The following RGS7 variants were observed in gnomAD, a reference collection of about 807,000 sequenced individuals.
The protein encoded by RGS7 is regulator of G-protein signaling 7.
RGS7 carries 27 observed loss-of-function variants against 81.1 expected under a neutral mutation model. The ratio of observed to expected loss-of-function variants is 0.33; its 90% CI spans 0.25 to 0.46. The LOEUF (loss-of-function observed/expected upper bound fraction) is 0.46, where lower values mean the gene tolerates loss of function less well. Among genes scored for constraint, RGS7 ranks in the 20% least tolerant of loss-of-function variants. RGS7 has a pLI of 1.00. For missense variants in RGS7, 396 were observed against 607.4 expected, an observed-to-expected ratio of 0.65 and a Z score of 3.66; for synonymous variants, 208 against 207.7, an observed-to-expected ratio of 1.00 and a Z score of -0.01.
At chr1:241,055,353 A>T (rs1398065117) in intron 3 of RGS7, among the ~76,000 whole-genome samples, 2 of 152,198 alleles carry the variant, frequency 1.3e-5, no homozygotes, top group Non-Finnish European at 2.9e-5. Flanking sequence ...TTCCTACAAC[A>T]TTCTTCTTAG....
chr1:241,014,413 C>A (rs1341617229), intron 3 of RGS7, among the ~76,000 whole-genome samples: 3 of 152,200 alleles, frequency 2.0e-5, no homozygotes, highest in Non-Finnish European at 4.4e-5. Flanking sequence ...TGCAATGTTA[C>A]TTAAAGGCCA....
intron 3 of RGS7, among the ~76,000 whole-genome samples, chr1:241,068,788 A>G (rs1379622299): frequency 1.3e-5 from 2 of 152,154 alleles, no homozygotes; most frequent in Non-Finnish European, 2.9e-5. Context: ...TCCCTGCCCA[A>G]ATCTCATGAT....
chr1:241,335,229 C>T (rs907261106), intron 2 of RGS7, among the ~76,000 whole-genome samples: 1 of 152,126 alleles, frequency 6.6e-6, no homozygotes, highest in Non-Finnish European at 1.5e-5. Flanking sequence ...CACTATACCC[C>T]TTTCACACAC....
chr1:241,096,642 G>A (rs781385049), intron 3 of RGS7, among the ~76,000 whole-genome samples: 9 of 152,106 alleles, frequency 5.9e-5, no homozygotes, highest in Non-Finnish European at 1.3e-4. Flanking sequence ...CAATCTATAT[G>A]TCCAATCTTA....
At chr1:240,884,503 T>C (rs1323246664) in intron 6 of RGS7, among the ~76,000 whole-genome samples, 2 of 152,182 alleles carry the variant, frequency 1.3e-5, no homozygotes, top group African/African-American at 4.8e-5. Context: ...TGAATGTTTT[T>C]GTATACTGCA....
At chr1:240,846,622 T>A (rs561130112) in intron 9 of RGS7, among the ~76,000 whole-genome samples, 1 of 152,188 alleles carries the variant, frequency 6.6e-6, no homozygotes, top group African/African-American at 2.4e-5. Flanking sequence ...GTACCCTCCA[T>A]AACAGTCCCT....
chr1:241,258,098 T>C lies in RGS7; in HGVS notation c.78+97601A>G, dbSNP rs550822789. On this transcript the variant is annotated intron_variant, in intron 2 of 18. Coordinates refer to ENST00000440928, the MANE Select transcript of RGS7 (RefSeq NM_001364886.1). ...ATGAGACTATCTCTGATAATTCTTA[T>C]ATATAGTATTCTGGATTGGCAAGAA... 4.5e-4 allele frequency among the ~76,000 whole-genome samples: 69 copies of C among 152,202 alleles called. 1 individual carries two copies. Among genetic ancestry groups the C allele is most frequent in the Non-Finnish European group, 7.8e-4 (53 of 68,030 alleles).
intron 2 of RGS7, among the ~76,000 whole-genome samples, chr1:241,154,245 T>C (rs1446213093): frequency 1.3e-5 from 2 of 152,170 alleles, no homozygotes; most frequent in Non-Finnish European, 2.9e-5. Context: ...TGGTTAGGTC[T>C]GGTCTGTGAA....
intron 10 of RGS7, among the ~76,000 whole-genome samples, chr1:240,819,834 A>G (rs1691470150): frequency 6.6e-6 from 1 of 152,230 alleles, no homozygotes; most frequent in African/African-American, 2.4e-5. Flanking sequence ...GAGCCTGGCT[A>G]CTTGCTCTGA....
chr1:241,146,457 G>A (rs1308950128), intron 2 of RGS7, among the ~76,000 whole-genome samples: 6 of 152,126 alleles, frequency 3.9e-5, no homozygotes, highest in Non-Finnish European at 8.8e-5. Flanking sequence ...GAGAAACAAC[G>A]CTATGCTCTG....
chr1:240,921,022 T>C (rs1257487679), intron 6 of RGS7, among the ~76,000 whole-genome samples: 2 of 152,090 alleles, frequency 1.3e-5, no homozygotes, highest in African/African-American at 4.8e-5. Context: ...CAGTGGGAAG[T>C]TAGAATTCCT....
At chr1:240,848,089 C>T (rs1030639325) in intron 9 of RGS7, among the ~76,000 whole-genome samples, 5 of 152,106 alleles carry the variant, frequency 3.3e-5, no homozygotes, top group South Asian at 2.1e-4. Context: ...CCATAAAGAT[C>T]GGAAGCCATC....
intron 2 of RGS7, among the ~76,000 whole-genome samples, chr1:241,170,532 T>C (rs2070654930): frequency 6.6e-6 from 1 of 152,216 alleles, no homozygotes; most frequent in Non-Finnish European, 1.5e-5. Context: ...CATTTATTTT[T>C]ATAAACATAT....
rs528929695 is a variant in RGS7 at position 241,014,971 on chromosome 1, A to G, written c.176-31842T>C. On this transcript the variant is annotated intron_variant, in intron 3 of 18. Transcript: ENST00000440928. ...ATTGACAAGTCATCCAGTTCAGCCT[A>G]GATACAGGGAAATAGCGTGAGGTAA... Among the ~76,000 whole-genome samples, 7 of 152,322 alleles carry G rather than the reference A, an allele frequency of 4.6e-5. No individual in the cohort carries two copies. The East Asian group carries it at 1.2e-3, about 25-fold the overall frequency.
At chr1:241,042,735 T>G (rs1233188227) in intron 3 of RGS7, among the ~76,000 whole-genome samples, 1 of 151,434 alleles carries the variant, frequency 6.6e-6, no homozygotes, top group Non-Finnish European at 1.5e-5. Flanking sequence ...TGGTCAGGAG[T>G]TTGAGTCTAG....
chr1:241,260,875 T>A (rs887515995), intron 2 of RGS7, among the ~76,000 whole-genome samples: 7 of 135,992 alleles, frequency 5.1e-5, no homozygotes, highest in African/African-American at 1.7e-4. Context: ...CTAAGACAGT[T>A]TTTTCATGGA....
At chr1:241,095,925 T>C (rs2064216546) in intron 3 of RGS7, among the ~76,000 whole-genome samples, 1 of 152,212 alleles carries the variant, frequency 6.6e-6, no homozygotes, top group Non-Finnish European at 1.5e-5. Flanking sequence ...TTCCAAGTGA[T>C]TCTGATACTA....
At chr1:241,272,594 G>GT (rs1468855695) in intron 2 of RGS7, among the ~76,000 whole-genome samples, 5 of 152,142 alleles carry the variant, frequency 3.3e-5, no homozygotes, top group Non-Finnish European at 7.3e-5. Flanking sequence ...CCCTCTAGCT[G>GT]TTTTTCCAGT....
intron 2 of RGS7, among the ~76,000 whole-genome samples, chr1:241,165,039 T>C (rs1289077399): frequency 6.6e-6 from 1 of 152,206 alleles, no homozygotes; most frequent in Admixed American, 6.5e-5. Context: ...CTATGTGCGT[T>C]CTCATCATTT....
Sources: gnomAD v4.1 joint callset for allele counts (sites outside exome capture counted in the v4.1 genomes callset) on GRCh38, gnomAD v4.1.1 for gene constraint, MANE v1.5 for transcripts, NCBI Gene and HGNC (gene_info 2026-07-23, HGNC 2026-07-21) for gene names.